The following TCERG1 variants were observed in gnomAD, a reference collection of about 807,000 sequenced individuals.
TCERG1 encodes TATA box binding protein (TBP)-associated factor, RNA polymerase II, S, 150kD.
TCERG1 carries 37 observed loss-of-function variants against 144.7 expected under a neutral mutation model. That is an observed-to-expected ratio of 0.26 (90% confidence interval 0.20 to 0.34). The LOEUF (loss-of-function observed/expected upper bound fraction) is 0.34. TCERG1 is among the 10% of genes least tolerant of loss of function. The pLI, the probability that TCERG1 is intolerant of heterozygous loss-of-function variation, is 1.00. For synonymous variants in TCERG1, 492 were observed against 458.2 expected (o/e 1.07, Z -0.94); for missense variants, 1,027 against 1,380.7 (o/e 0.74, Z 4.06).
intron 10 of TCERG1, 128 bp from the exon 11 acceptor site, chr5:146,479,727 G>C: frequency 1.2e-6 from 1 of 846,174 alleles, no homozygotes; most frequent in Non-Finnish European, 1.9e-6. Context: ...ATTATGCTTT[G>C]TTTAATGTTT....
At chr5:146,497,266 G>A (rs1348013148) in intron 16 of TCERG1, among the ~76,000 whole-genome samples, 1 of 152,106 alleles carries the variant, frequency 6.6e-6, no homozygotes, top group Non-Finnish European at 1.5e-5. Context: ...TGCCTCCCAG[G>A]TTCAAAAGAT....
intron 5 of TCERG1, among the ~76,000 whole-genome samples, chr5:146,466,609 A>G (rs1239532111): frequency 6.6e-6 from 1 of 152,202 alleles, no homozygotes; most frequent in African/African-American, 2.4e-5. Context: ...CTAAAAAAAA[A>G]GGTTAAAAAT....
At position 146,509,262 on chromosome 5, in the gene TCERG1, G is replaced by A; in HGVS notation, c.3146+17G>A. Reference sequence around the variant, plus strand: ...AACATATAGGTGTGTGCAATGAAATGTTTCATATTGGCAGTCATTCTCTTT... The same window carrying A: ...AACATATAGGTGTGTGCAATGAAATATTTCATATTGGCAGTCATTCTCTTT... On this transcript the variant is annotated intron_variant, in intron 22 of 22. Transcript: ENST00000679501. 6.6e-7 allele frequency: 1 copy of A among 1,516,996 alleles called. No individual in the cohort carries two copies. Among genetic ancestry groups the A allele is most frequent in the Non-Finnish European group, 9.1e-7 (1 of 1,102,092 alleles). 94.0% of individuals were successfully genotyped at this position (1,516,996 alleles called of 1,614,324 possible). A position where few individuals can be genotyped will look rare whatever the true frequency, so the allele number is the denominator to read the frequency against.
chr5:146,483,496 T>C, intron 14 of TCERG1, 44 bp from the exon 15 acceptor site: 1 of 1,546,316 alleles, frequency 6.5e-7, no homozygotes, highest in Non-Finnish European at 8.9e-7. Context: ...CTTTATATTT[T>C]TAGAGGAGAC....
At position 146,510,665 on chromosome 5, in the gene TCERG1, G is replaced by A. The variant is rs1802027; in HGVS notation, c.*23G>A. ...TAATTCTAAATACTCTTCCATAGGG[G>A]CATCTATTCAAAATGCTTGCATGAG... On this transcript the variant is annotated 3_prime_UTR_variant, in exon 23 of 23. Transcript: ENST00000679501. 0.07 allele frequency: 111,617 copies of A among 1,595,732 alleles called. 4,202 individuals are homozygous for A. The highest frequency in any genetic ancestry group is 0.11 in the Middle Eastern group (678 of 5,948).
intron 8 of TCERG1, among the ~76,000 whole-genome samples, chr5:146,471,041 C>T (rs1764246514): frequency 1.3e-5 from 2 of 152,178 alleles, no homozygotes; most frequent in Non-Finnish European, 2.9e-5. Flanking sequence ...ATAAGTGTAA[C>T]TTCTTACTTG....
chr5:146,498,088 A>G (rs774781543), intron 16 of TCERG1, among the ~76,000 whole-genome samples: 1 of 151,774 alleles, frequency 6.6e-6, no homozygotes, highest in Non-Finnish European at 1.5e-5. Context: ...CAGGCATTTC[A>G]GTCTTACTCT....
chr5:146,510,714 A>C lies in TCERG1; in HGVS notation c.*72A>C, dbSNP rs184221167. ...AGCCAATTTTCAGGTTTTTACATATATGTGCATTAGTCAACCTATTGCGAA... is the reference window on the plus strand; with the variant it reads ...AGCCAATTTTCAGGTTTTTACATATCTGTGCATTAGTCAACCTATTGCGAA... On this transcript the variant is annotated 3_prime_UTR_variant, in exon 23 of 23. Coordinates refer to ENST00000679501, the MANE Select transcript of TCERG1 (RefSeq NM_001382548.1). 6.8e-6 allele frequency: 10 copies of C among 1,478,606 alleles called. No homozygotes were observed. The highest frequency in any genetic ancestry group is 8.3e-6 in the Non-Finnish European group (9 of 1,085,460). 91.6% of individuals were successfully genotyped at this position (1,478,606 alleles called of 1,614,324 possible).
chr5:146,509,935 C>A, intron 22 of TCERG1: 3 of 617,096 alleles, frequency 4.9e-6, no homozygotes, highest in Non-Finnish European at 7.1e-6. Context: ...GCACGGGAGG[C>A]TAGATAGTGC....
chr5:146,491,441 C>T (rs963505791), intron 15 of TCERG1, among the ~76,000 whole-genome samples: 3 of 151,992 alleles, frequency 2.0e-5, no homozygotes, highest in Admixed American at 1.3e-4. Context: ...GCCAGGGATG[C>T]TGGTATACAT....
intron 6 of TCERG1, 37 bp from the exon 7 acceptor site, chr5:146,469,507 G>T: frequency 3.3e-6 from 5 of 1,516,044 alleles, no homozygotes; most frequent in African/African-American, 1.4e-5. Flanking sequence ...ATTGCGGTTT[G>T]ATACTTGGAT....
intron 16 of TCERG1, among the ~76,000 whole-genome samples, chr5:146,495,823 T>C (rs1766840670): frequency 6.6e-6 from 1 of 152,224 alleles, no homozygotes. Context: ...ATTTTTTTTC[T>C]TCTAAAACCA....
intron 17 of TCERG1, chr5:146,499,602 T>C (rs1315014879): frequency 1.3e-5 from 2 of 152,228 alleles, no homozygotes; most frequent in Non-Finnish European, 2.9e-5. Context: ...AATCAAATTC[T>C]ACTACATAAT....
intron 19 of TCERG1, among the ~76,000 whole-genome samples, chr5:146,505,087 TAAAAA>T (rs58813480): frequency 2.7e-5 from 3 of 112,490 alleles, no homozygotes; most frequent in Admixed American, 9.1e-5. Context: ...GCCAATGAGC[TAAAAA>T]AAAAAAAAAA....
chr5:146,457,727 G>A (rs768927465), intron 3 of TCERG1, among the ~76,000 whole-genome samples: 2 of 152,228 alleles, frequency 1.3e-5, no homozygotes, highest in Non-Finnish European at 2.9e-5. Flanking sequence ...GGTCAGCAGG[G>A]CTTTCTACAG....
At chr5:146,469,226 T>G (rs1281221907) in intron 6 of TCERG1, among the ~76,000 whole-genome samples, 2 of 152,170 alleles carry the variant, frequency 1.3e-5, no homozygotes, top group Non-Finnish European at 2.9e-5. Context: ...AAAATAGATT[T>G]CTATTCATAA....
At position 146,507,035 on chromosome 5, in the gene TCERG1, C is replaced by G; in HGVS notation, c.2789C>G (p.Ser930Cys). Residue 930 changes from serine to cysteine, a missense_variant, in exon 20 of 23, where the codon TCT (serine) becomes TGT (cysteine). Physicochemically the swap from Ser to Cys is moderately radical, Grantham distance 112. Around this residue, in one of 6 missense-constraint regions of TCERG1, gnomAD observed 133 missense variants for 283.2 expected, o/e 0.47. Transcript: ENST00000679501. The surrounding 1 kb of genome is among the most constrained non-coding windows in gnomAD (Gnocchi z 4.6). Reference sequence around the variant, plus strand: ...ATAATTTTTTCTCTTCAGGTACGTTCTTCAGATGTGTCATGGTCTGATACT... The same window carrying G: ...ATAATTTTTTCTCTTCAGGTACGTTGTTCAGATGTGTCATGGTCTGATACT... ...FKALLSDMVR[S>C]SDVSWSDTRR... The G allele has an allele frequency of 1.3e-6, 2 of 1,575,738 alleles. No homozygotes were observed. The highest frequency in any genetic ancestry group is 1.7e-6 in the Non-Finnish European group (2 of 1,167,850).
rs571287869 is a variant in TCERG1, at chr5:146,454,680, C to T, written c.60-376C>T. ...TGGCTTGATCTTGGCTCATTGCAAC[C>T]TCTGCCTTGCGGGTTCAAGTGATTC... On this transcript the variant is annotated intron_variant, in intron 1 of 22. Coordinates refer to ENST00000679501, the MANE Select transcript of TCERG1 (RefSeq NM_001382548.1). Among the ~76,000 whole-genome samples the T allele has an allele frequency of 8.5e-5, 13 of 152,278 alleles. No individual in the cohort carries two copies. The South Asian group carries it at 1.2e-3, about 15-fold the overall frequency.
At position 146,479,863 on chromosome 5, in the gene TCERG1, A is replaced by C; in HGVS notation, c.1771A>C (p.Thr591Pro). The stretch of plus-strand genomic sequence containing the variant: ...TGAAATGTTTTTGCCAGGGCACCCA[A>C]CTCCGACAATGCTGTCGATCCAAAA... Reference protein sequence around the residue: ...MEELKKLRHPTPTMLSIQKWQ... With the variant: ...MEELKKLRHPPPTMLSIQKWQ... Residue 591 changes from threonine (T) to proline (P), a missense_variant, in exon 11 of 23, where the codon ACT becomes CCT. By Grantham distance (38) the Thr-to-Pro change is conservative. This residue lies in a region of TCERG1 where 482 missense variants were observed against 632.6 expected (regional missense o/e 0.76). Coordinates refer to ENST00000679501, the MANE Select transcript of TCERG1 (RefSeq NM_001382548.1). 5.0e-6 allele frequency: 8 copies of C among 1,613,540 alleles called. No individual in the cohort carries two copies. The highest frequency in any genetic ancestry group is 6.8e-6 in the Non-Finnish European group (8 of 1,179,634).
Sources: allele counts gnomAD v4.1 joint callset (sites outside exome capture counted in the v4.1 genomes callset), GRCh38; gene constraint gnomAD v4.1.1; regional missense constraint gnomAD v4.1.1; non-coding constraint Gnocchi (gnomAD v3.1); transcripts MANE v1.5; gene names NCBI Gene and HGNC (gene_info 2026-07-23, HGNC 2026-07-21).